The following FBXL7 variants were observed in gnomAD, a reference collection of about 807,000 sequenced individuals.
FBXL7 encodes the protein F-box and leucine rich repeat protein 7.
A neutral mutation model predicts 38.3 loss-of-function variants in FBXL7; 12 were observed. The ratio of observed to expected loss-of-function variants is 0.31; its 90% confidence interval spans 0.20 to 0.51. The LOEUF (loss-of-function observed/expected upper bound fraction) is 0.51. Among genes scored for constraint, FBXL7 ranks in the 20% least tolerant of loss-of-function variants. The probability of loss-of-function intolerance (pLI) is 0.98; values close to 1 mark genes in which losing one functional copy is unlikely to be tolerated. For missense variants in FBXL7, 567 were observed against 676.4 expected, an observed-to-expected ratio of 0.84 and a Z score of 1.79; for synonymous variants, 297 against 300.9, an observed-to-expected ratio of 0.99 and a Z score of 0.13.
chr5:15,850,687 A>G (rs1322472949), intron 2 of FBXL7, among the ~76,000 whole-genome samples: 4 of 152,162 alleles, frequency 2.6e-5, no homozygotes, highest in East Asian at 1.9e-4. Flanking sequence ...TCATTTCCCA[A>G]TGTTGTCCGG....
At chr5:15,709,019 A>G (rs76254850) in intron 2 of FBXL7, among the ~76,000 whole-genome samples, 3,940 of 152,238 alleles carry the variant, frequency 0.026, 99 homozygotes, top group East Asian at 0.063. Flanking sequence ...CTTGCATGAC[A>G]TTGTTGGGTC....
intron 2 of FBXL7, among the ~76,000 whole-genome samples, chr5:15,878,887 G>A (rs906085773): frequency 6.6e-6 from 1 of 152,146 alleles, no homozygotes; most frequent in African/African-American, 2.4e-5. Context: ...AGAAGGGAAA[G>A]CAGAACCCAG....
chr5:15,563,293 C>T (rs770899064), intron 1 of FBXL7, among the ~76,000 whole-genome samples: 17 of 152,124 alleles, frequency 1.1e-4, no homozygotes, highest in African/African-American at 3.9e-4. Context: ...GTTGTAGAAA[C>T]GAGAATAGAG....
intron 2 of FBXL7, among the ~76,000 whole-genome samples, chr5:15,842,087 C>T (rs1738764368): frequency 6.6e-6 from 1 of 152,194 alleles, no homozygotes. Context: ...GATCCACCAA[C>T]AGCTTGCACC....
At chr5:15,518,872 C>G (rs560582560) in intron 1 of FBXL7, among the ~76,000 whole-genome samples, 1 of 152,092 alleles carries the variant, frequency 6.6e-6, no homozygotes, top group African/African-American at 2.4e-5. Context: ...CTTTGGCTTG[C>G]ACATATTTAT....
intron 1 of FBXL7, among the ~76,000 whole-genome samples, chr5:15,576,839 T>C (rs1488381807): frequency 6.6e-6 from 1 of 152,196 alleles, no homozygotes; most frequent in East Asian, 1.9e-4. Flanking sequence ...ATTTTTCTGC[T>C]ACTCTGATTA....
At chr5:15,540,368 TCCACAG>T (rs1304311873) in intron 1 of FBXL7, among the ~76,000 whole-genome samples, 17 of 152,176 alleles carry the variant, frequency 1.1e-4, no homozygotes, top group Admixed American at 1.0e-3. Flanking sequence ...TAAGACAAAG[TCCACAG>T]GTGTCTTTTT....
chr5:15,530,611 T>C (rs1237959737), intron 1 of FBXL7, among the ~76,000 whole-genome samples: 1 of 152,164 alleles, frequency 6.6e-6, no homozygotes, highest in Non-Finnish European at 1.5e-5. Flanking sequence ...AGAAAAGCTG[T>C]TATGGTTATC....
rs961878880 is a variant in FBXL7, at chr5:15,938,031, A to G, written c.*845A>G. 6.6e-6 allele frequency: 1 copy of G among 152,238 alleles called. No homozygotes were observed. The highest frequency in any genetic ancestry group is 1.5e-5 in the Non-Finnish European group (1 of 68,072). The allele number at this position is 152,238 out of a possible 1,614,324, so 9.4% of individuals were successfully genotyped here. ...TTTCAGGAGATTGTGCAGTGCCAGC[A>G]TCAGTGCATAAAGGGTCCTGTATGT... On this transcript the variant is annotated 3_prime_UTR_variant, in exon 4 of 4. Coordinates refer to ENST00000504595, the MANE Select transcript of FBXL7 (RefSeq NM_012304.5).
intron 2 of FBXL7, among the ~76,000 whole-genome samples, chr5:15,647,255 C>A (rs972923135): frequency 1.6e-4 from 24 of 152,284 alleles, no homozygotes; most frequent in African/African-American, 5.5e-4. Flanking sequence ...ATCGGATAAG[C>A]CTAATAGTTA....
chr5:15,714,915 T>C (rs1240265007), intron 2 of FBXL7, among the ~76,000 whole-genome samples: 2 of 144,932 alleles, frequency 1.4e-5, no homozygotes, highest in East Asian at 2.1e-4. Context: ...ATGACAGAAG[T>C]AGAGAGATTG....
intron 1 of FBXL7, among the ~76,000 whole-genome samples, chr5:15,535,190 T>C (rs1737545361): frequency 6.6e-6 from 1 of 152,174 alleles, no homozygotes; most frequent in African/African-American, 2.4e-5. Context: ...GTTTATAAAC[T>C]ATCCAGTCTC....
chr5:15,529,082 AC>A (rs1324636098), intron 1 of FBXL7, among the ~76,000 whole-genome samples: 2 of 152,034 alleles, frequency 1.3e-5, no homozygotes, highest in Non-Finnish European at 2.9e-5. Flanking sequence ...CGATCCTTCT[AC>A]CCCCGGCACC....
intron 2 of FBXL7, among the ~76,000 whole-genome samples, chr5:15,639,858 A>G (rs1259365278): frequency 6.6e-6 from 1 of 152,102 alleles, no homozygotes; most frequent in Non-Finnish European, 1.5e-5. Flanking sequence ...CCGAGGGAAC[A>G]CAGACAATGC....
chr5:15,696,953 G>A (rs4701641), intron 2 of FBXL7, among the ~76,000 whole-genome samples: 103,943 of 152,048 alleles, frequency 0.68, 35,884 homozygotes, highest in South Asian at 0.79. Context: ...TCACAAGTTC[G>A]TCTTCATCAT....
intron 2 of FBXL7, among the ~76,000 whole-genome samples, chr5:15,729,554 C>T (rs1391945799): frequency 6.6e-6 from 1 of 152,064 alleles, no homozygotes; most frequent in East Asian, 1.9e-4. Flanking sequence ...AATAAAACTT[C>T]ATGCACAAAC....
At chr5:15,737,967 C>T (rs1288798790) in intron 2 of FBXL7, among the ~76,000 whole-genome samples, 1 of 152,164 alleles carries the variant, frequency 6.6e-6, no homozygotes, top group Non-Finnish European at 1.5e-5. Context: ...GCAAGTTTCC[C>T]TTTTTGTAAA....
intron 2 of FBXL7, among the ~76,000 whole-genome samples, chr5:15,654,125 TC>T (rs1741797615): frequency 6.6e-6 from 1 of 152,148 alleles, no homozygotes; most frequent in Non-Finnish European, 1.5e-5. Context: ...CTGGCTTACA[TC>T]CCCGTAGACA....
chr5:15,622,013 A>T (rs1251193674), intron 2 of FBXL7, among the ~76,000 whole-genome samples: 1 of 152,206 alleles, frequency 6.6e-6, no homozygotes, highest in Non-Finnish European at 1.5e-5. Flanking sequence ...TTGTCAAGGA[A>T]CAGCAGTAGA....
Sources: gnomAD v4.1 joint callset for allele counts (sites outside exome capture counted in the v4.1 genomes callset) on GRCh38, gnomAD v4.1.1 for gene constraint, MANE v1.5 for transcripts, NCBI Gene and HGNC (gene_info 2026-07-23, HGNC 2026-07-21) for gene names.